PCCB: variants seen among roughly 807,000 people sequenced by gnomAD.
PCCB encodes propionyl-CoA carboxylase beta chain, mitochondrial.
In PCCB, 43 loss-of-function variants were observed where a neutral mutation model predicts 60.7. The ratio of observed to expected loss-of-function variants is 0.71; its 90% CI spans 0.55 to 0.91. The LOEUF is 0.91. Among genes scored for constraint, PCCB ranks in the 40% least tolerant of loss-of-function variants. The pLI is 0.00. For synonymous variants in PCCB, 276 were observed against 255.9 expected (o/e 1.08, Z -0.75); for missense variants, 766 against 702.8 (o/e 1.09, Z -1.02).
chr3:136,285,236 G>A (rs1021103644), intron 6 of PCCB, among the ~76,000 whole-genome samples: 3 of 152,122 alleles, frequency 2.0e-5, no homozygotes, highest in African/African-American at 7.2e-5. Context: ...TGTTACGAAG[G>A]GAGGTGTGGG....
chr3:136,327,774 G>A (rs753989820), intron 13 of PCCB, 42 bp downstream of exon 13: 12 of 1,460,382 alleles, frequency 8.2e-6, no homozygotes, highest in South Asian at 6.8e-5. Flanking sequence ...CCAAGGACTC[G>A]ACTCTACCAG....
In PCCB at chr3:136,268,120, ATG is replaced by A. The variant is rs1553775715; in HGVS notation, c.543+6057_543+6058del. 6.7e-4 allele frequency among the ~76,000 whole-genome samples: 83 copies of A among 123,990 alleles called. 2 individuals carry two copies. Among genetic ancestry groups the A allele is most frequent in the African/African-American group, 1.9e-3 (57 of 29,382 alleles). 81.3% of individuals were successfully genotyped at this position (123,990 alleles called of 152,430 possible). A position where few individuals can be genotyped will look rare whatever the true frequency, so the allele number is the denominator to read the frequency against. On this transcript the variant is annotated intron_variant, in intron 5 of 14. Coordinates refer to ENST00000251654, the MANE Select transcript of PCCB (RefSeq NM_000532.5). ...TATATATATATATATATATATATAT[ATG>A]TATATATATATATATATATCTACAT...
chr3:136,329,588 A>T (rs980069870), intron 14 of PCCB, among the ~76,000 whole-genome samples: 6 of 152,206 alleles, frequency 3.9e-5, no homozygotes, highest in African/African-American at 1.4e-4. Flanking sequence ...GCCATTTTTG[A>T]AAACCTAGAT....
In PCCB at chr3:136,302,349, C is replaced by T. The variant is rs1451196374; in HGVS notation, c.966+1238C>T. Among the ~76,000 whole-genome samples, 2 of 121,272 alleles carry T rather than the reference C, an allele frequency of 1.6e-5. 1 individual carries two copies. The highest frequency in any genetic ancestry group is 3.7e-5 in the Non-Finnish European group (2 of 54,390). The allele number at this position is 121,272 out of a possible 152,430, so 79.6% of individuals were successfully genotyped here. On this transcript the variant is annotated intron_variant, in intron 9 of 14. Transcript: ENST00000251654. ...ACAGACGCCAGAGTCAAAATAGTTC[C>T]ATCAGACAGATTCTGCCAGGCAATT...
chr3:136,298,948 ACT>A (rs1474012659), intron 8 of PCCB, among the ~76,000 whole-genome samples: 1 of 151,900 alleles, frequency 6.6e-6, no homozygotes, highest in African/African-American at 2.4e-5. Context: ...CCAGGGCCTC[ACT>A]CTGTCTGCCT....
At chr3:136,300,050 A>C (rs1026485499) in intron 8 of PCCB, among the ~76,000 whole-genome samples, 2 of 151,460 alleles carry the variant, frequency 1.3e-5, no homozygotes, top group Admixed American at 6.6e-5. Context: ...ATGCATGCCC[A>C]CACACATGCA....
At chr3:136,320,181 C>G (rs766153360) in intron 10 of PCCB, among the ~76,000 whole-genome samples, 2 of 152,032 alleles carry the variant, frequency 1.3e-5, no homozygotes, top group African/African-American at 4.8e-5. Flanking sequence ...GCATTTGGGG[C>G]CCTTTTAAAT....
Position 136,250,542 on chromosome 3 carries a change from A to C in PCCB, c.167A>C (p.Asp56Ala). Residue 56 changes from aspartate to alanine, a missense_variant, in exon 1 of 15, where the codon GAC (aspartate) becomes GCC (alanine). Physicochemically the swap from Asp to Ala is moderately radical, Grantham distance 126 (BLOSUM62 -2). Coordinates refer to ENST00000251654, the MANE Select transcript of PCCB (RefSeq NM_000532.5). ...ALLGGGQRRI[D>A]AQHKRGKLTA... ...CTGGGAGGGGGCCAACGCCGTATTG[A>C]CGCGCAGCACAAGCGAGTGAGTCCT... 1.9e-6 allele frequency: 3 copies of C among 1,612,440 alleles called. No individual in the cohort carries two copies. The highest frequency in any genetic ancestry group is 2.5e-6 in the Non-Finnish European group (3 of 1,179,662).
chr3:136,285,504 A>G (rs1053896787), intron 6 of PCCB, among the ~76,000 whole-genome samples: 1 of 150,854 alleles, frequency 6.6e-6, no homozygotes. Flanking sequence ...TTGCCATCCC[A>G]TTCTTTAACA....
chr3:136,327,845 A>G, intron 13 of PCCB, 113 bp downstream of exon 13: 1 of 836,864 alleles, frequency 1.2e-6, no homozygotes, highest in Non-Finnish European at 2.0e-6. Context: ...AGGTTGAGCC[A>G]GGACTGAGGT....
chr3:136,328,361 G>A (rs754047752), intron 13 of PCCB, among the ~76,000 whole-genome samples: 28 of 152,156 alleles, frequency 1.8e-4, no homozygotes, highest in Non-Finnish European at 2.6e-4. Flanking sequence ...TCAGGTCTTA[G>A]GGTACCGAAA....
chr3:136,252,317 G>A (rs1051899962), intron 1 of PCCB: 1 of 455,412 alleles, frequency 2.2e-6, no homozygotes, highest in Non-Finnish European at 4.4e-6. Context: ...GAGTGCAGCA[G>A]CTCACTGCAA....
chr3:136,321,217 A>G (rs1313798762), intron 10 of PCCB, among the ~76,000 whole-genome samples: 1 of 152,226 alleles, frequency 6.6e-6, no homozygotes, highest in African/African-American at 2.4e-5. Context: ...CAGAACAGTT[A>G]CAGGTTTGCA....
intron 10 of PCCB, among the ~76,000 whole-genome samples, chr3:136,322,106 T>C (rs932293857): frequency 2.6e-5 from 4 of 152,220 alleles, no homozygotes; most frequent in Admixed American, 2.0e-4. Flanking sequence ...AGGTTTTTCA[T>C]AGATGTTCTT....
At chr3:136,312,077 C>A (rs931822283) in intron 9 of PCCB, among the ~76,000 whole-genome samples, 1 of 152,180 alleles carries the variant, frequency 6.6e-6, no homozygotes, top group Non-Finnish European at 1.5e-5. Context: ...GTGGTACAGG[C>A]ACATAAATAG....
At chr3:136,293,076 A>G (rs1933771367) in intron 6 of PCCB, among the ~76,000 whole-genome samples, 1 of 152,144 alleles carries the variant, frequency 6.6e-6, no homozygotes, top group East Asian at 1.9e-4. Flanking sequence ...GCAGTGGTGC[A>G]AGCAATCATA....
At chr3:136,257,657 C>G (rs2108139714) in intron 3 of PCCB, among the ~76,000 whole-genome samples, 1 of 152,254 alleles carries the variant, frequency 6.6e-6, no homozygotes, top group East Asian at 1.9e-4. Flanking sequence ...TTAAAATTGG[C>G]TAGGCGTGGT....
At chr3:136,263,461 G>C (rs1406709636) in intron 5 of PCCB, among the ~76,000 whole-genome samples, 1 of 151,106 alleles carries the variant, frequency 6.6e-6, no homozygotes, top group African/African-American at 2.4e-5. Flanking sequence ...TTATAGAGGC[G>C]GGGTTTTGCC....
intron 3 of PCCB, among the ~76,000 whole-genome samples, chr3:136,258,263 A>G (rs1941729207): frequency 6.6e-6 from 1 of 152,198 alleles, no homozygotes; most frequent in African/African-American, 2.4e-5. Flanking sequence ...AGTGAGGAGA[A>G]GGTGGAGATG....
Sources: allele counts gnomAD v4.1 joint callset (sites outside exome capture counted in the v4.1 genomes callset), GRCh38; gene constraint gnomAD v4.1.1; transcripts MANE v1.5; gene names NCBI Gene and HGNC (gene_info 2026-07-23, HGNC 2026-07-21).